The following SYN2 variants were observed in gnomAD, a reference collection of about 807,000 sequenced individuals.
SYN2 encodes synapsin II, also known as synapsin-2.
In SYN2, 19 loss-of-function variants were observed where a neutral mutation model predicts 50.9. The observed-to-expected ratio is 0.37, with a 90% CI of 0.26 to 0.55. SYN2 has a LOEUF of 0.55. SYN2 is among the 20% of genes least tolerant of loss of function. The pLI is 0.81. For missense variants in SYN2, 587 were observed against 576.4 expected, an observed-to-expected ratio of 1.02 and a Z score of -0.19; for synonymous variants, 255 against 224.9, an observed-to-expected ratio of 1.13 and a Z score of -1.20.
At chr3:12,036,629 G>T (rs796493104) in intron 1 of SYN2, among the ~76,000 whole-genome samples, 36 of 152,306 alleles carry the variant, frequency 2.4e-4, no homozygotes, top group African/African-American at 8.4e-4. Context: ...CTCTGGGCCT[G>T]TGATGGGAGG....
intron 1 of SYN2, among the ~76,000 whole-genome samples, chr3:12,048,617 G>T (rs559723514): frequency 2.0e-5 from 3 of 152,318 alleles, no homozygotes; most frequent in African/African-American, 7.2e-5. Flanking sequence ...TGTGTGCCAG[G>T]TATTGTGATA....
chr3:12,061,784 CA>C (rs950215643), intron 1 of SYN2, among the ~76,000 whole-genome samples: 13 of 151,444 alleles, frequency 8.6e-5, no homozygotes, highest in Non-Finnish European at 1.3e-4. Flanking sequence ...AACAGCACCA[CA>C]AAAAAAGAAA....
intron 5 of SYN2, chr3:12,159,277 G>C (rs1272187083): frequency 6.0e-6 from 1 of 167,376 alleles, no homozygotes; most frequent in Non-Finnish European, 1.3e-5. Context: ...GAGACAGGCA[G>C]AGTCCCAGAG....
Position 12,191,742 on chromosome 3 carries a change from C to A in SYN2, c.*1117C>A, listed in dbSNP as rs1033487316. Among the ~76,000 whole-genome samples the A allele has an allele frequency of 5.9e-5, 9 of 152,164 alleles. No homozygotes were observed. Among genetic ancestry groups the A allele is most frequent in the Admixed American group, 3.3e-4 (5 of 15,282 alleles). ...TCAAATAAGCACAGAACCCTTGCTC[C>A]CGGAGGAGTCAATTTAGACTCACTT... On this transcript the variant is annotated 3_prime_UTR_variant, in exon 13 of 13. Transcript: ENST00000621198.
At position 12,169,842 on chromosome 3, in the gene SYN2, A is replaced by G. The variant is rs1697899029; in HGVS notation, c.1244A>G (p.Asn415Ser). ...ACCGAACTAGTCATCAGCAAGATGA[A>G]CCAGCTGCTGTCCAGGACTCCTGCC... The part of the protein sequence containing the change: ...LITELVISKM[N>S]QLLSRTPALS... Residue 415 changes from asparagine (N) to serine (S), a missense_variant, in exon 10 of 13, where the codon AAC (asparagine) becomes AGC (serine). Transcript: ENST00000621198. 6.2e-7 allele frequency: 1 copy of G among 1,613,738 alleles called. No homozygotes were observed. The highest frequency in any genetic ancestry group is 8.5e-7 in the Non-Finnish European group (1 of 1,179,840).
At chr3:12,034,619 C>T (rs901640698) in intron 1 of SYN2, among the ~76,000 whole-genome samples, 2 of 152,144 alleles carry the variant, frequency 1.3e-5, no homozygotes, top group African/African-American at 2.4e-5. Context: ...CATGACATGG[C>T]ATTACATTGC....
At chr3:12,012,162 G>T (rs1317200043) in intron 1 of SYN2, among the ~76,000 whole-genome samples, 1 of 144,962 alleles carries the variant, frequency 6.9e-6, no homozygotes, top group East Asian at 2.0e-4. Context: ...ATATAACTTA[G>T]TTTTTTTTTT....
In SYN2 at chr3:12,108,454, C is replaced by CT. The variant is rs571515060; in HGVS notation, c.378-32191dup. Among the ~76,000 whole-genome samples the CT allele has an allele frequency of 2.2e-3, 337 of 152,232 alleles. 1 individual carries two copies. Among genetic ancestry groups the CT allele is most frequent in the African/African-American group, 7.7e-3 (318 of 41,540 alleles). ...TCCTAGCTGCTATAAGCCATAAACC[C>CT]TTTTTTGTAGAAGGTGGCTGTAACT... On this transcript the variant is annotated intron_variant, in intron 1 of 12. Coordinates refer to ENST00000621198, the MANE Select transcript of SYN2 (RefSeq NM_133625.6).
intron 1 of SYN2, among the ~76,000 whole-genome samples, chr3:12,125,200 C>A (rs903971539): frequency 6.6e-6 from 1 of 151,802 alleles, no homozygotes; most frequent in African/African-American, 2.4e-5. Context: ...ATCTTTTTCA[C>A]CATGTTGGCC....
intron 1 of SYN2, among the ~76,000 whole-genome samples, chr3:12,034,599 TG>T (rs1694454476): frequency 6.6e-6 from 1 of 152,128 alleles, no homozygotes; most frequent in Non-Finnish European, 1.5e-5. Context: ...CATCATAACA[TG>T]GGGGAAGGCA....
intron 1 of SYN2, among the ~76,000 whole-genome samples, chr3:12,111,522 T>G (rs1696316350): frequency 6.6e-6 from 1 of 152,236 alleles, no homozygotes; most frequent in South Asian, 2.1e-4. Context: ...TCAGATCCTT[T>G]TCAGGTCCTT....
At chr3:12,056,169 G>A (rs12629034) in intron 1 of SYN2, among the ~76,000 whole-genome samples, 1 of 143,430 alleles carries the variant, frequency 7.0e-6, no homozygotes, top group African/African-American at 2.6e-5. Context: ...GTTGTGTTTT[G>A]TTTTTTTTTT....
chr3:12,042,371 C>T (rs1450362554), intron 1 of SYN2, among the ~76,000 whole-genome samples: 1 of 152,186 alleles, frequency 6.6e-6, no homozygotes, highest in Non-Finnish European at 1.5e-5. Context: ...GATAACTGCT[C>T]TAGATAGGAC....
chr3:12,070,018 C>T lies in SYN2; in HGVS notation c.377+65090C>T, dbSNP rs531902932. 8.6e-5 allele frequency among the ~76,000 whole-genome samples: 13 copies of T among 151,878 alleles called. No individual in the cohort carries two copies. In the East Asian group the frequency reaches 2.5e-3, roughly 30 times the overall value. ...CTTGCAGTGTTGCCCAGGTTGGTCT[C>T]GAATTCCTCAAACTCAAGTGATCCT... On this transcript the variant is annotated intron_variant, in intron 1 of 12. Coordinates refer to ENST00000621198, the MANE Select transcript of SYN2 (RefSeq NM_133625.6).
intron 1 of SYN2, among the ~76,000 whole-genome samples, chr3:12,011,790 T>C (rs1366484516): frequency 2.6e-5 from 4 of 152,252 alleles, no homozygotes; most frequent in African/African-American, 9.6e-5. Flanking sequence ...TATCAGGCAC[T>C]GTTCAAGGTT....
chr3:12,143,726 C>T (rs976951197), intron 3 of SYN2, among the ~76,000 whole-genome samples: 5 of 152,152 alleles, frequency 3.3e-5, no homozygotes, highest in Admixed American at 2.0e-4. Flanking sequence ...CTTTGCTACT[C>T]TGAGTAGTGC....
At chr3:12,122,253 CT>C (rs1177019543) in intron 1 of SYN2, among the ~76,000 whole-genome samples, 2 of 151,962 alleles carry the variant, frequency 1.3e-5, no homozygotes, top group African/African-American at 2.4e-5. Context: ...GAACAATTTT[CT>C]TTTTTTTCCC....
At chr3:12,107,642 G>C (rs115255204) in intron 1 of SYN2, among the ~76,000 whole-genome samples, 1 of 152,084 alleles carries the variant, frequency 6.6e-6, no homozygotes, top group African/African-American at 2.4e-5. Flanking sequence ...GGTGGCTCAC[G>C]CCTGTAATTC....
chr3:12,145,146 A>C, intron 3 of SYN2, among the ~76,000 whole-genome samples: 1 of 152,140 alleles, frequency 6.6e-6, no homozygotes, highest in East Asian at 1.9e-4. Flanking sequence ...TCATGCATGC[A>C]CTCCCAGCAC....
Sources: allele counts gnomAD v4.1 joint callset (sites outside exome capture counted in the v4.1 genomes callset), GRCh38; gene constraint gnomAD v4.1.1; transcripts MANE v1.5; gene names NCBI Gene and HGNC (gene_info 2026-07-23, HGNC 2026-07-21).